PTGER3: variants seen among roughly 807,000 people sequenced by gnomAD.
PTGER3 encodes the protein prostaglandin E2 receptor EP3 subtype.
PTGER3 carries 22 observed loss-of-function variants against 34.7 expected under a neutral mutation model. The ratio of observed to expected loss-of-function variants is 0.63; its 90% CI spans 0.45 to 0.91. The LOEUF (loss-of-function observed/expected upper bound fraction) is 0.91, where lower values mean the gene tolerates loss of function less well. PTGER3 is among the 40% of genes least tolerant of loss of function. The pLI is 0.00. For synonymous variants in PTGER3, 241 were observed against 230.1 expected, an observed-to-expected ratio of 1.05 and a Z score of -0.43; for missense variants, 468 against 519.4, an observed-to-expected ratio of 0.90 and a Z score of 0.96.
chr1:70,936,576 T>C (rs1255759990), intron 4 of PTGER3, among the ~76,000 whole-genome samples: 1 of 152,156 alleles, frequency 6.6e-6, no homozygotes, highest in African/African-American at 2.4e-5. Context: ...TGACAGACAT[T>C]TTAAATTGCA....
downstream of PTGER3, among the ~76,000 whole-genome samples, chr1:70,965,949 T>A (rs565865090): frequency 2.8e-4 from 42 of 152,336 alleles, 3 homozygotes; most frequent in South Asian, 6.2e-3. Flanking sequence ...GTAATTCCAA[T>A]GCATCTAAAG....
intron 4 of PTGER3, among the ~76,000 whole-genome samples, chr1:70,855,388 A>C (rs893918855): frequency 1.3e-5 from 2 of 152,144 alleles, no homozygotes; most frequent in African/African-American, 4.8e-5. Flanking sequence ...ACTTTTAGAG[A>C]TCTATTGCAC....
chr1:70,938,951 A>G (rs1434000515), intron 4 of PTGER3, among the ~76,000 whole-genome samples: 1 of 152,068 alleles, frequency 6.6e-6, no homozygotes, highest in African/African-American at 2.4e-5. Flanking sequence ...ACTGTCCCCC[A>G]AAGTCTTAAC....
intron 4 of PTGER3, among the ~76,000 whole-genome samples, chr1:70,889,414 C>CA (rs372750310): frequency 0.37 from 23,096 of 63,028 alleles, 3,740 homozygotes; most frequent in Non-Finnish European, 0.4. Flanking sequence ...GACTCCATCT[C>CA]AAAAAAAAAA....
intron 1 of PTGER3, among the ~76,000 whole-genome samples, chr1:71,039,245 T>G (rs1315366790): frequency 3.3e-5 from 5 of 151,600 alleles, no homozygotes; most frequent in African/African-American, 7.3e-5. Flanking sequence ...AAAGGGGAAA[T>G]GGGATCAGTG....
At chr1:70,939,226 C>T (rs1316888902) in intron 4 of PTGER3, among the ~76,000 whole-genome samples, 1 of 152,224 alleles carries the variant, frequency 6.6e-6, no homozygotes, top group Non-Finnish European at 1.5e-5. Context: ...CCATGTCCCA[C>T]ATCCAGGTCA....
intron 1 of PTGER3, among the ~76,000 whole-genome samples, chr1:71,040,770 TG>T (rs1660245370): frequency 6.6e-6 from 1 of 152,080 alleles, no homozygotes; most frequent in African/African-American, 2.4e-5. Flanking sequence ...ATGTCTCCAA[TG>T]AAGTGTGACT....
chr1:70,937,449 G>C (rs1649331066), intron 4 of PTGER3, among the ~76,000 whole-genome samples: 1 of 152,048 alleles, frequency 6.6e-6, no homozygotes, highest in Admixed American at 6.6e-5. Flanking sequence ...ACAGAGACTT[G>C]GGAATCATCA....
At chr1:70,998,920 G>A (rs1656224103) in intron 2 of PTGER3, among the ~76,000 whole-genome samples, 1 of 152,138 alleles carries the variant, frequency 6.6e-6, no homozygotes, top group African/African-American at 2.4e-5. Flanking sequence ...GGTGGCTCAC[G>A]CCTGTAATCC....
intron 4 of PTGER3, among the ~76,000 whole-genome samples, chr1:70,873,453 G>A (rs551995610): frequency 6.6e-6 from 1 of 152,030 alleles, no homozygotes; most frequent in Non-Finnish European, 1.5e-5. Flanking sequence ...TTCCCTTTCT[G>A]CAGGTTTTTT....
intron 1 of PTGER3, among the ~76,000 whole-genome samples, chr1:71,023,768 A>T (rs1658635671): frequency 6.6e-6 from 1 of 150,938 alleles, no homozygotes; most frequent in Non-Finnish European, 1.5e-5. Flanking sequence ...ACATTCCACC[A>T]CATTCACCAT....
chr1:70,941,287 A>C (rs1372465818), intron 4 of PTGER3, among the ~76,000 whole-genome samples: 4 of 152,152 alleles, frequency 2.6e-5, no homozygotes, highest in African/African-American at 9.7e-5. Context: ...ATACTTATAA[A>C]ATGGCTAAAC....
intron 4 of PTGER3, among the ~76,000 whole-genome samples, chr1:70,944,088 A>C (rs1650004746): frequency 6.6e-6 from 1 of 152,100 alleles, no homozygotes. Context: ...AGTATAGTTG[A>C]CATATGTAAT....
chr1:71,041,578 G>A (rs1442476691), intron 1 of PTGER3, among the ~76,000 whole-genome samples: 1 of 152,168 alleles, frequency 6.6e-6, no homozygotes, highest in Admixed American at 6.5e-5. Context: ...TCCTTCATTG[G>A]TTACCATCTT....
At chr1:70,957,875 ACT>A (rs1378594604) in intron 2 of PTGER3, among the ~76,000 whole-genome samples, 4 of 151,982 alleles carry the variant, frequency 2.6e-5, no homozygotes, top group South Asian at 2.1e-4. Flanking sequence ...CCACTATTTT[ACT>A]CTCTATTTCT....
intron 2 of PTGER3, among the ~76,000 whole-genome samples, chr1:70,975,369 T>C (rs892796948): frequency 2.6e-5 from 4 of 152,136 alleles, no homozygotes; most frequent in African/African-American, 4.8e-5. Flanking sequence ...GATTCCTTTT[T>C]TTTATAAATT....
At chr1:71,036,642 C>A (rs192727340) in intron 1 of PTGER3, among the ~76,000 whole-genome samples, 3 of 152,102 alleles carry the variant, frequency 2.0e-5, no homozygotes, top group African/African-American at 7.2e-5. Flanking sequence ...AGATCGAGAC[C>A]ATCCTGGCTA....
In PTGER3 at chr1:70,983,474, C is replaced by T. The variant is rs187103219; in HGVS notation, c.1078-9086G>A. On this transcript the variant is annotated intron_variant, in intron 2 of 3. Coordinates refer to ENST00000306666, the MANE Select transcript of PTGER3 (RefSeq NM_198719.2). ...TAGTATGAACTCATTAAATATTTAGCGAATGAATGGATAATATTTTCAACA... is the reference window on the plus strand; with the variant it reads ...TAGTATGAACTCATTAAATATTTAGTGAATGAATGGATAATATTTTCAACA... Among the ~76,000 whole-genome samples, 47 of 152,126 alleles carry T rather than the reference C, an allele frequency of 3.1e-4. No homozygotes were observed. In the South Asian group the frequency reaches 6.2e-3, roughly 20 times the overall value.
chr1:70,903,443 A>C (rs1646882032), intron 4 of PTGER3, among the ~76,000 whole-genome samples: 1 of 152,232 alleles, frequency 6.6e-6, no homozygotes, highest in Non-Finnish European at 1.5e-5. Context: ...CTTTGTACAG[A>C]TAATTTTATT....
Sources: allele counts gnomAD v4.1 joint callset (sites outside exome capture counted in the v4.1 genomes callset), GRCh38; gene constraint gnomAD v4.1.1; transcripts MANE v1.5; gene names NCBI Gene and HGNC (gene_info 2026-07-23, HGNC 2026-07-21).